MACROD2: variants seen among roughly 807,000 people sequenced by gnomAD.
MACROD2 encodes ADP-ribose glycohydrolase MACROD2.
In MACROD2, 36 loss-of-function variants were observed where a neutral mutation model predicts 70.4. The observed-to-expected ratio is 0.51, with a 90% CI of 0.39 to 0.68. The LOEUF (loss-of-function observed/expected upper bound fraction) is 0.68, where lower values mean the gene tolerates loss of function less well. MACROD2 is among the 30% of genes least tolerant of loss of function. The pLI is 0.00. For missense variants in MACROD2, 496 were observed against 538.4 expected (o/e 0.92, Z 0.78); for synonymous variants, 172 against 178.8 (o/e 0.96, Z 0.30).
At position 15,995,649 on chromosome 20, in the gene MACROD2, C is replaced by CTTTTTTTT. The variant is rs71192310; in HGVS notation, c.1153+8504_1153+8511dup. 9.0e-3 allele frequency among the ~76,000 whole-genome samples: 766 copies of CTTTTTTTT among 85,382 alleles called. 43 individuals carry two copies. Among genetic ancestry groups the CTTTTTTTT allele is most frequent in the African/African-American group, 0.028 (659 of 23,670 alleles). The allele number at this position is 85,382 out of a possible 152,430, so 56.0% of individuals were successfully genotyped here. On this transcript the variant is annotated intron_variant, in intron 15 of 17. Coordinates refer to ENST00000684519, the MANE Select transcript of MACROD2 (RefSeq NM_001351661.2). ...ACAGGCATGAGCCACTATGCCCGGC[C>CTTTTTTTT]TTTTTTTTTTTTTTTTTTTTAACTT...
At chr20:15,157,324 T>C (rs1030525092) in intron 5 of MACROD2, among the ~76,000 whole-genome samples, 1 of 147,534 alleles carries the variant, frequency 6.8e-6, no homozygotes, top group African/African-American at 2.5e-5. Flanking sequence ...CATGCTTTCA[T>C]GACCTCATCT....
At chr20:14,298,569 A>AT (rs2082447427) in intron 3 of MACROD2, among the ~76,000 whole-genome samples, 3 of 44,286 alleles carry the variant, frequency 6.8e-5, no homozygotes, top group Admixed American at 5.1e-4. Context: ...ACTCCACCTC[A>AT]AAAAAAAAAA....
intron 8 of MACROD2, among the ~76,000 whole-genome samples, chr20:15,694,645 G>A (rs2050342146): frequency 6.6e-6 from 1 of 152,042 alleles, no homozygotes; most frequent in Non-Finnish European, 1.5e-5. Context: ...AGACTGTGAA[G>A]TTTTTCTCCC....
intron 8 of MACROD2, among the ~76,000 whole-genome samples, chr20:15,712,114 A>G (rs1164486259): frequency 6.6e-6 from 1 of 152,242 alleles, no homozygotes; most frequent in Non-Finnish European, 1.5e-5. Context: ...AATGTGATCC[A>G]GCAGCCAAAA....
At chr20:15,118,581 G>T (rs1258208059) in intron 5 of MACROD2, among the ~76,000 whole-genome samples, 1 of 152,066 alleles carries the variant, frequency 6.6e-6, no homozygotes, top group Non-Finnish European at 1.5e-5. Context: ...AAACCAATGA[G>T]AATTCTCCTT....
intron 7 of MACROD2, among the ~76,000 whole-genome samples, chr20:15,498,332 C>T (rs2047323794): frequency 6.6e-6 from 1 of 152,130 alleles, no homozygotes; most frequent in Non-Finnish European, 1.5e-5. Context: ...TACTAGAATA[C>T]ATATTTGCCC....
intron 5 of MACROD2, among the ~76,000 whole-genome samples, chr20:14,922,311 GT>G (rs1204444669): frequency 1.3e-5 from 2 of 151,940 alleles, no homozygotes; most frequent in Non-Finnish European, 2.9e-5. Flanking sequence ...GTATGTATCT[GT>G]TTTTAGCTAC....
At chr20:14,102,968 G>A (rs987253903) in intron 3 of MACROD2, among the ~76,000 whole-genome samples, 1 of 152,082 alleles carries the variant, frequency 6.6e-6, no homozygotes, top group Non-Finnish European at 1.5e-5. Flanking sequence ...CTATGAGGAT[G>A]GAGTGAAAGA....
At chr20:16,032,588 G>A (rs569717436) in intron 15 of MACROD2, among the ~76,000 whole-genome samples, 1 of 150,966 alleles carries the variant, frequency 6.6e-6, no homozygotes, top group Admixed American at 6.6e-5. Context: ...TAGGATGCAG[G>A]AAGGAAGGTA....
chr20:14,398,470 G>T (rs2083603849), intron 3 of MACROD2, among the ~76,000 whole-genome samples: 1 of 150,116 alleles, frequency 6.7e-6, no homozygotes, highest in South Asian at 2.1e-4. Context: ...GATATCTCAT[G>T]TAGTTTTAAT....
chr20:15,999,421 G>A (rs1426736094), intron 15 of MACROD2, among the ~76,000 whole-genome samples: 1 of 152,160 alleles, frequency 6.6e-6, no homozygotes. Context: ...GGAATGTTCT[G>A]TGTGCGCTTG....
chr20:14,106,248 G>C (rs983913261), intron 3 of MACROD2, among the ~76,000 whole-genome samples: 4 of 152,172 alleles, frequency 2.6e-5, no homozygotes, highest in African/African-American at 9.7e-5. Context: ...GTGAACATTG[G>C]TGGTAGCCTG....
chr20:14,731,391 C>T (rs911413059), intron 5 of MACROD2, among the ~76,000 whole-genome samples: 8 of 152,112 alleles, frequency 5.3e-5, no homozygotes, highest in Non-Finnish European at 7.4e-5. Flanking sequence ...ACAGAATCCA[C>T]GATCTCTTAG....
chr20:15,930,543 G>A (rs1053147268), intron 10 of MACROD2, among the ~76,000 whole-genome samples: 2 of 152,170 alleles, frequency 1.3e-5, no homozygotes, highest in South Asian at 2.1e-4. Context: ...TACCTGGACC[G>A]TTTTATCTGA....
intron 6 of MACROD2, among the ~76,000 whole-genome samples, chr20:15,279,483 C>T (rs1007338006): frequency 1.3e-5 from 2 of 152,164 alleles, no homozygotes; most frequent in African/African-American, 4.8e-5. Flanking sequence ...ATTGTCCACA[C>T]ATCAATTAAT....
intron 12 of MACROD2, among the ~76,000 whole-genome samples, chr20:15,944,492 C>T (rs941236167): frequency 2.6e-5 from 4 of 152,070 alleles, no homozygotes; most frequent in African/African-American, 7.2e-5. Flanking sequence ...TAAAATTCTT[C>T]CAACATCTTT....
At chr20:15,650,133 C>T (rs1025066677) in intron 8 of MACROD2, among the ~76,000 whole-genome samples, 1 of 152,088 alleles carries the variant, frequency 6.6e-6, no homozygotes, top group African/African-American at 2.4e-5. Flanking sequence ...TGGGGAAGGA[C>T]TTGCTGCTTC....
At chr20:15,979,669 G>A (rs1315920527) in intron 13 of MACROD2, among the ~76,000 whole-genome samples, 1 of 152,032 alleles carries the variant, frequency 6.6e-6, no homozygotes, top group Non-Finnish European at 1.5e-5. Context: ...TTAGCCCGAG[G>A]CAAAATGGCC....
intron 8 of MACROD2, among the ~76,000 whole-genome samples, chr20:15,542,298 G>T (rs1231152152): frequency 1.3e-5 from 2 of 152,118 alleles, no homozygotes; most frequent in African/African-American, 4.8e-5. Flanking sequence ...ACCTTTTAGG[G>T]TTATTGTGAG....
Sources: allele counts gnomAD v4.1 joint callset (sites outside exome capture counted in the v4.1 genomes callset), GRCh38; gene constraint gnomAD v4.1.1; transcripts MANE v1.5; gene names NCBI Gene and HGNC (gene_info 2026-07-23, HGNC 2026-07-21).